MARCHF4: variants seen among roughly 807,000 people sequenced by gnomAD.
MARCHF4 encodes the protein E3 ubiquitin-protein ligase MARCHF4.
Under a neutral mutation model 43.9 loss-of-function variants are expected in MARCHF4, and 14 were observed. The observed-to-expected ratio is 0.32, with a 90% confidence interval of 0.21 to 0.50. MARCHF4 has a LOEUF of 0.50. MARCHF4 is among the 20% of genes least tolerant of loss of function. The pLI is 0.98. For synonymous variants in MARCHF4, 226 were observed against 213.3 expected, an observed-to-expected ratio of 1.06 and a Z score of -0.52; for missense variants, 468 against 536.7, an observed-to-expected ratio of 0.87 and a Z score of 1.27.
At chr2:216,300,488 T>A (rs565862058) in intron 1 of MARCHF4, among the ~76,000 whole-genome samples, 1 of 151,860 alleles carries the variant, frequency 6.6e-6, no homozygotes, top group East Asian at 1.9e-4. Context: ...GAACTACAGA[T>A]GTGTGCCACC....
chr2:216,308,956 T>G (rs1193492584), intron 1 of MARCHF4, among the ~76,000 whole-genome samples: 8 of 152,206 alleles, frequency 5.3e-5, no homozygotes, highest in Admixed American at 2.6e-4. Flanking sequence ...TTGCTCCTTG[T>G]GAACGGCAGA....
intron 3 of MARCHF4, among the ~76,000 whole-genome samples, chr2:216,275,793 T>C (rs1217569278): frequency 6.6e-6 from 1 of 152,158 alleles, no homozygotes; most frequent in Non-Finnish European, 1.5e-5. Context: ...TGTTAGCCAA[T>C]AGGCTGTGGG....
chr2:216,361,764 C>T (rs963480316), intron 1 of MARCHF4, among the ~76,000 whole-genome samples: 21 of 152,178 alleles, frequency 1.4e-4, no homozygotes, highest in African/African-American at 5.1e-4. Flanking sequence ...GTGATGGAAG[C>T]ATAGCCTTAG....
intron 1 of MARCHF4, among the ~76,000 whole-genome samples, chr2:216,306,978 T>TCTCA (rs377320799): frequency 6.6e-6 from 1 of 151,022 alleles, no homozygotes; most frequent in African/African-American, 2.4e-5. Context: ...TCTCTCTCTC[T>TCTCA]CACACACACA....
intron 1 of MARCHF4, among the ~76,000 whole-genome samples, chr2:216,293,316 A>G (rs571289682): frequency 6.6e-6 from 1 of 152,330 alleles, no homozygotes; most frequent in East Asian, 1.9e-4. Flanking sequence ...CAGTGTGTTG[A>G]CACTGGCAAG....
At chr2:216,294,962 C>G (rs969443534) in intron 1 of MARCHF4, among the ~76,000 whole-genome samples, 1 of 152,186 alleles carries the variant, frequency 6.6e-6, no homozygotes, top group African/African-American at 2.4e-5. Context: ...TACTCCAAAC[C>G]CCATCCACAC....
At chr2:216,263,283 C>T (rs1005385490) in intron 3 of MARCHF4, among the ~76,000 whole-genome samples, 17 of 152,122 alleles carry the variant, frequency 1.1e-4, no homozygotes, top group African/African-American at 4.1e-4. Flanking sequence ...AAAAATTAGT[C>T]AGCTATGGTG....
chr2:216,289,127 A>G (rs1691265588), intron 1 of MARCHF4, among the ~76,000 whole-genome samples: 1 of 150,742 alleles, frequency 6.6e-6, no homozygotes, highest in African/African-American at 2.4e-5. Context: ...CCCAGGCTGG[A>G]GTGCAGTGGC....
At chr2:216,341,399 G>A (rs1454252338) in intron 1 of MARCHF4, among the ~76,000 whole-genome samples, 1 of 152,196 alleles carries the variant, frequency 6.6e-6, no homozygotes, top group Non-Finnish European at 1.5e-5. Flanking sequence ...CTGAGCCAAG[G>A]GAGCCGCCCA....
chr2:216,332,150 G>A (rs1262379235), intron 1 of MARCHF4, among the ~76,000 whole-genome samples: 1 of 152,242 alleles, frequency 6.6e-6, no homozygotes, highest in Middle Eastern at 3.4e-3. Flanking sequence ...CAGCACTTTG[G>A]GAGGCCAAGG....
intron 2 of MARCHF4, among the ~76,000 whole-genome samples, chr2:216,280,315 C>A (rs1192675549): frequency 6.6e-6 from 1 of 151,948 alleles, no homozygotes; most frequent in Non-Finnish European, 1.5e-5. Context: ...CCTGCAGCAC[C>A]AATGAATGGA....
At chr2:216,259,886 G>C (rs1559279699) in intron 3 of MARCHF4, 1 of 584,592 alleles carries the variant, frequency 1.7e-6, no homozygotes, top group African/African-American at 1.9e-5. Flanking sequence ...TGAAATAGTT[G>C]AGCACCTTCA....
At chr2:216,260,430 A>T (rs1690722641) in intron 3 of MARCHF4, among the ~76,000 whole-genome samples, 1 of 152,202 alleles carries the variant, frequency 6.6e-6, no homozygotes, top group Admixed American at 6.5e-5. Flanking sequence ...AGGCACTGAG[A>T]TCCTGTTTTA....
chr2:216,354,988 T>TTCTTTCTTTTC (rs1692477820), intron 1 of MARCHF4, among the ~76,000 whole-genome samples: 13 of 144,088 alleles, frequency 9.0e-5, no homozygotes, highest in Non-Finnish European at 1.2e-4. Flanking sequence ...TCTTTCTTTT[T>TTCTTTCTTTTC]TGAGACAGAG....
intron 2 of MARCHF4, among the ~76,000 whole-genome samples, chr2:216,280,911 G>A (rs1179025093): frequency 6.6e-6 from 1 of 151,756 alleles, no homozygotes; most frequent in Non-Finnish European, 1.5e-5. Flanking sequence ...CAAAGAGACA[G>A]TAGGAAGCAG....
chr2:216,295,518 A>C (rs745619683), intron 1 of MARCHF4, among the ~76,000 whole-genome samples: 3 of 152,184 alleles, frequency 2.0e-5, no homozygotes, highest in Non-Finnish European at 4.4e-5. Flanking sequence ...AGATGTTCTT[A>C]GGACCCTGTC....
intron 1 of MARCHF4, among the ~76,000 whole-genome samples, chr2:216,330,123 A>G (rs1291764514): frequency 6.6e-6 from 1 of 152,060 alleles, no homozygotes; most frequent in African/African-American, 2.4e-5. Flanking sequence ...AGTATACACC[A>G]ATCAAAAGAA....
At chr2:216,263,435 A>AAG (rs10557836) in intron 3 of MARCHF4, among the ~76,000 whole-genome samples, 21 of 137,240 alleles carry the variant, frequency 1.5e-4, no homozygotes, top group Non-Finnish European at 2.6e-4. Context: ...CTGAAAGAGA[A>AAG]AGAGAGAGAG....
intron 1 of MARCHF4, among the ~76,000 whole-genome samples, chr2:216,365,432 C>T (rs1219350608): frequency 6.6e-6 from 1 of 152,208 alleles, no homozygotes; most frequent in Non-Finnish European, 1.5e-5. Flanking sequence ...GTACCCACTG[C>T]TAGGCACTCC....
Sources: allele counts gnomAD v4.1 joint callset (sites outside exome capture counted in the v4.1 genomes callset), GRCh38; gene constraint gnomAD v4.1.1; transcripts MANE v1.5; gene names NCBI Gene and HGNC (gene_info 2026-07-23, HGNC 2026-07-21).